NAV2: variants seen among roughly 807,000 people sequenced by gnomAD.
The protein encoded by NAV2 is helicase, APC down-regulated 1.
NAV2 carries 54 observed loss-of-function variants against 223.2 expected under a neutral mutation model. That is an observed-to-expected ratio of 0.24 (90% CI 0.19 to 0.30). The LOEUF (loss-of-function observed/expected upper bound fraction) is 0.30. Ranked by LOEUF, NAV2 falls within the 10% of genes least tolerant of loss-of-function variation. The probability of loss-of-function intolerance (pLI) is 1.00; values close to 1 mark genes in which losing one functional copy is unlikely to be tolerated. For missense variants in NAV2, 2,806 were observed against 3,147.5 expected, an observed-to-expected ratio of 0.89 and a Z score of 2.60; for synonymous variants, 1,279 against 1,239.3, an observed-to-expected ratio of 1.03 and a Z score of -0.67.
At chr11:19,389,910 A>T (rs1246890520) in intron 1 of NAV2, among the ~76,000 whole-genome samples, 1 of 152,186 alleles carries the variant, frequency 6.6e-6, no homozygotes, top group African/African-American at 2.4e-5. Flanking sequence ...AGACCAGGAA[A>T]ACTGTGGCCT....
At chr11:19,949,170 A>AG in intron 10 of NAV2, 90 bp downstream of exon 10, 1 of 1,416,292 alleles carries the variant, frequency 7.1e-7, no homozygotes, top group Non-Finnish European at 9.4e-7. Context: ...ATTCTTCTGG[A>AG]GGAGGTCAAA....
chr11:20,076,198 T>C (rs1212885447), intron 22 of NAV2, among the ~76,000 whole-genome samples: 1 of 151,578 alleles, frequency 6.6e-6, no homozygotes, highest in Non-Finnish European at 1.5e-5. Flanking sequence ...GTTATGGGTA[T>C]TCAGAAGGAA....
At position 20,024,096 on chromosome 11, in the gene NAV2, T is replaced by A. The variant is rs1174565954; in HGVS notation, c.2769-11863T>A. ...GTGGGCTTGGCATCTGAGCTCGGAA[T>A]GGTTTTACCTGTTAATTTTAAATGT... On this transcript the variant is annotated intron_variant, in intron 11 of 37. Transcript: ENST00000349880. 2.0e-5 allele frequency among the ~76,000 whole-genome samples: 3 copies of A among 152,200 alleles called. No homozygotes were observed. In the East Asian group the frequency reaches 5.8e-4, roughly 29 times the overall value.
intron 1 of NAV2, among the ~76,000 whole-genome samples, chr11:19,774,348 A>T (rs2055959520): frequency 6.6e-6 from 1 of 152,106 alleles, no homozygotes; most frequent in Non-Finnish European, 1.5e-5. Context: ...GCTAATTTTT[A>T]AAATTTTATG....
At chr11:19,778,525 CA>C (rs535973814) in intron 1 of NAV2, among the ~76,000 whole-genome samples, 2 of 151,108 alleles carry the variant, frequency 1.3e-5, no homozygotes, top group South Asian at 2.1e-4. Context: ...AAACAAAACA[CA>C]AAAAAAACAA....
intron 1 of NAV2, among the ~76,000 whole-genome samples, chr11:19,404,154 C>G (rs555424555): frequency 1.3e-5 from 2 of 152,124 alleles, no homozygotes; most frequent in East Asian, 3.9e-4. Flanking sequence ...CCCAATTGCT[C>G]GGGGCCCTGG....
intron 1 of NAV2, among the ~76,000 whole-genome samples, chr11:19,401,717 G>A (rs1849693476): frequency 6.6e-6 from 1 of 152,128 alleles, no homozygotes; most frequent in Non-Finnish European, 1.5e-5. Context: ...GTGAGCATGT[G>A]GCATATTCCA....
At chr11:19,621,055 G>T (rs2046978229) in intron 1 of NAV2, among the ~76,000 whole-genome samples, 1 of 152,186 alleles carries the variant, frequency 6.6e-6, no homozygotes. Flanking sequence ...TTATATGACG[G>T]ATTAGGTTTA....
At chr11:19,727,799 CT>C in intron 1 of NAV2, among the ~76,000 whole-genome samples, 1 of 152,200 alleles carries the variant, frequency 6.6e-6, no homozygotes, top group Non-Finnish European at 1.5e-5. Flanking sequence ...TTGTGCACAC[CT>C]GTGTCTCAGT....
At chr11:19,865,525 A>T (rs1322828612) in intron 3 of NAV2, among the ~76,000 whole-genome samples, 1 of 152,186 alleles carries the variant, frequency 6.6e-6, no homozygotes, top group Non-Finnish European at 1.5e-5. Context: ...TGGGGTGCAG[A>T]TGAAAGAGCG....
chr11:19,363,216 G>A (rs1028237385), intron 1 of NAV2, among the ~76,000 whole-genome samples: 2 of 152,142 alleles, frequency 1.3e-5, no homozygotes, highest in Non-Finnish European at 2.9e-5. Context: ...CCACTTGTGA[G>A]TGAGAACATG....
At chr11:20,115,860 C>T (rs1384760910) in intron 37 of NAV2, among the ~76,000 whole-genome samples, 1 of 151,358 alleles carries the variant, frequency 6.6e-6, no homozygotes, top group Non-Finnish European at 1.5e-5. Context: ...TTGCAGTGAG[C>T]CAAGATTGTG....
chr11:20,001,304 C>T (rs138549912), intron 11 of NAV2, among the ~76,000 whole-genome samples: 63 of 152,260 alleles, frequency 4.1e-4, no homozygotes, highest in African/African-American at 1.5e-3. Context: ...CCCGTGCTAT[C>T]CTTTATTTTA....
At chr11:19,925,927 C>T (rs952573019) in intron 6 of NAV2, among the ~76,000 whole-genome samples, 7 of 152,112 alleles carry the variant, frequency 4.6e-5, no homozygotes, top group Admixed American at 1.3e-4. Flanking sequence ...GTCTAGTCCA[C>T]TGGTCTATAT....
intron 1 of NAV2, among the ~76,000 whole-genome samples, chr11:19,572,836 G>A (rs2045463968): frequency 6.6e-6 from 1 of 152,166 alleles, no homozygotes; most frequent in South Asian, 2.1e-4. Flanking sequence ...ATAAATGACA[G>A]GGATTATAAT....
At chr11:19,642,813 C>T (rs1276192362) in intron 1 of NAV2, among the ~76,000 whole-genome samples, 1 of 152,094 alleles carries the variant, frequency 6.6e-6, no homozygotes, top group Non-Finnish European at 1.5e-5. Context: ...AATGTGGGCA[C>T]CCATGGCTCC....
At position 19,449,249 on chromosome 11, in the gene NAV2, G is replaced by A. The variant is rs148439580; in HGVS notation, c.75+98222G>A. 1.6e-3 allele frequency among the ~76,000 whole-genome samples: 249 copies of A among 152,190 alleles called. 1 individual carries two copies. Among genetic ancestry groups the A allele is most frequent in the African/African-American group, 5.6e-3 (233 of 41,526 alleles). ...CACAGTGATATAAGTGATGTAGAGG[G>A]CTCTTGAAACACTCCCCAAGAGAAG... On this transcript the variant is annotated intron_variant, in intron 1 of 37. Transcript: ENST00000360655.
chr11:19,372,371 T>C (rs1250261171), intron 1 of NAV2, among the ~76,000 whole-genome samples: 4 of 152,222 alleles, frequency 2.6e-5, no homozygotes, highest in Non-Finnish European at 5.9e-5. Flanking sequence ...TCTGGGAGCT[T>C]TCTCTGCTGC....
Position 19,912,782 on chromosome 11 carries a change from T to C in NAV2, c.931+20188T>C, listed in dbSNP as rs115928734. Among the ~76,000 whole-genome samples, 316 of 152,298 alleles carry C rather than the reference T, an allele frequency of 2.1e-3. 2 individuals are homozygous for C. Among genetic ancestry groups the C allele is most frequent in the African/African-American group, 7.4e-3 (308 of 41,558 alleles). On this transcript the variant is annotated intron_variant, in intron 6 of 37. Transcript: ENST00000349880. The stretch of plus-strand genomic sequence containing the variant: ...GTATGTATACATCTTGCTCAACCAG[T>C]GTGTTTGCTTACAGACTGACTTCCC...
Sources: gnomAD v4.1 joint callset for allele counts (sites outside exome capture counted in the v4.1 genomes callset) on GRCh38, gnomAD v4.1.1 for gene constraint, MANE v1.5 for transcripts, NCBI Gene and HGNC (gene_info 2026-07-23, HGNC 2026-07-21) for gene names.